PRKAR1B: variants seen among roughly 807,000 people sequenced by gnomAD.
PRKAR1B encodes protein kinase cAMP-dependent type I regulatory subunit beta.
In PRKAR1B, 22 loss-of-function variants were observed where a neutral mutation model predicts 46.5. The ratio of observed to expected loss-of-function variants is 0.47; its 90% CI spans 0.34 to 0.68. The LOEUF is 0.68. PRKAR1B is among the 30% of genes least tolerant of loss of function. The pLI is 0.01. For missense variants in PRKAR1B, 445 were observed against 535.6 expected, an observed-to-expected ratio of 0.83 and a Z score of 1.67; for synonymous variants, 259 against 217.7, an observed-to-expected ratio of 1.19 and a Z score of -1.67.
At chr7:570,784 C>T (rs576669816) in intron 9 of PRKAR1B, among the ~76,000 whole-genome samples, 37 of 152,270 alleles carry the variant, frequency 2.4e-4, no homozygotes, top group African/African-American at 7.7e-4. Context: ...TCACCCTGCC[C>T]GCTCTCCCAC....
At position 575,917 on chromosome 7, in the gene PRKAR1B, T is replaced by G. The variant is rs561078589; in HGVS notation, c.891+3339A>C. On this transcript the variant is annotated intron_variant, in intron 9 of 10. Transcript: ENST00000537384. ...CCAGATTTCAGCTGTCGGTTTGCAA[T>G]CCTCTCCTCTGCTCACGGGCGAACA... is the stretch of plus-strand genomic sequence containing the variant. Among the ~76,000 whole-genome samples the G allele has an allele frequency of 1.0e-3, 159 of 152,292 alleles. 3 individuals carry two copies. The South Asian group carries it at 0.02, about 19-fold the overall frequency.
intron 6 of PRKAR1B, among the ~76,000 whole-genome samples, chr7:598,270 C>T (rs1220886782): frequency 6.8e-6 from 1 of 146,410 alleles, no homozygotes; most frequent in Non-Finnish European, 1.5e-5. Context: ...CAGCACCCTC[C>T]ACACTAAACA....
intron 3 of PRKAR1B, among the ~76,000 whole-genome samples, chr7:678,742 C>G (rs1205024745): frequency 6.6e-6 from 1 of 152,226 alleles, no homozygotes; most frequent in South Asian, 2.1e-4. Context: ...CTTTGAGAGA[C>G]AGCAATGAAA....
chr7:691,928 A>G (rs1461913967), intron 2 of PRKAR1B: 1 of 919,910 alleles, frequency 1.1e-6, no homozygotes, highest in Non-Finnish European at 1.4e-6. Context: ...CCTTGCTCAC[A>G]TCCATCCCCA....
At chr7:712,932 C>A (rs187882170) in intron 1 of PRKAR1B, 43 of 152,702 alleles carry the variant, frequency 2.8e-4, no homozygotes, top group African/African-American at 1.0e-3. Flanking sequence ...TCTGCCTTAG[C>A]GGCCAGAGAG....
At chr7:570,536 C>T (rs1779440805) in intron 9 of PRKAR1B, among the ~76,000 whole-genome samples, 1 of 152,116 alleles carries the variant, frequency 6.6e-6, no homozygotes, top group African/African-American at 2.4e-5. Context: ...GCCTGCCCAG[C>T]AGTCCCCGAG....
chr7:689,980 C>T (rs570933502), intron 2 of PRKAR1B, among the ~76,000 whole-genome samples: 20 of 151,328 alleles, frequency 1.3e-4, no homozygotes, highest in African/African-American at 4.6e-4. Context: ...CGCGCCTGGC[C>T]GAGAACACAG....
At chr7:722,025 C>T (rs549867423) in intron 1 of PRKAR1B, among the ~76,000 whole-genome samples, 78 of 151,324 alleles carry the variant, frequency 5.2e-4, no homozygotes, top group Non-Finnish European at 9.7e-4. Flanking sequence ...GAGGGCTTGT[C>T]CTATGAAGCC....
intron 9 of PRKAR1B, among the ~76,000 whole-genome samples, chr7:562,559 C>T (rs1778868347): frequency 6.6e-6 from 1 of 152,206 alleles, no homozygotes; most frequent in Non-Finnish European, 1.5e-5. Flanking sequence ...CTCCACCAGG[C>T]CTGCACTCAT....
At chr7:634,330 A>C (rs1783922634) in intron 4 of PRKAR1B, among the ~76,000 whole-genome samples, 1 of 152,084 alleles carries the variant, frequency 6.6e-6, no homozygotes, top group African/African-American at 2.4e-5. Flanking sequence ...CCCAAAAAAA[A>C]ACATTTTTCA....
At chr7:663,663 G>C (rs987866487) in intron 4 of PRKAR1B, among the ~76,000 whole-genome samples, 1 of 152,224 alleles carries the variant, frequency 6.6e-6, no homozygotes, top group South Asian at 2.1e-4. Context: ...GCATGTGGTG[G>C]TCTGGGCAGC....
Position 661,522 on chromosome 7 carries a change from C to T in PRKAR1B, c.440+15707G>A, listed in dbSNP as rs1785563922. Among the ~76,000 whole-genome samples the T allele has an allele frequency of 2.3e-5, 2 of 86,912 alleles. 1 individual carries two copies. Among genetic ancestry groups the T allele is most frequent in the African/African-American group, 9.8e-5 (2 of 20,326 alleles). 57.0% of individuals were successfully genotyped at this position (86,912 alleles called of 152,430 possible). ...CTCTTCCCCTCCATGGCACAGGTCC[C>T]CACCCCAACAGATCCAAATACCTAC... On this transcript the variant is annotated intron_variant, in intron 4 of 10. Transcript: ENST00000537384.
intron 4 of PRKAR1B, among the ~76,000 whole-genome samples, chr7:624,101 G>A (rs929758024): frequency 1.3e-5 from 2 of 152,168 alleles, no homozygotes; most frequent in African/African-American, 4.8e-5. Flanking sequence ...ACCAGCACCC[G>A]CAGGTTTAGG....
intron 4 of PRKAR1B, among the ~76,000 whole-genome samples, chr7:618,612 C>T (rs1782956333): frequency 1.3e-5 from 2 of 152,194 alleles, no homozygotes; most frequent in Non-Finnish European, 2.9e-5. Context: ...GTTGGGGCTG[C>T]GGCTTTGAAC....
intron 6 of PRKAR1B, 114 bp from the exon 7 acceptor site, chr7:596,418 G>A (rs568734084): frequency 7.7e-7 from 1 of 1,307,030 alleles, no homozygotes; most frequent in African/African-American, 1.5e-5. Context: ...CGCAGGGCGG[G>A]GCACAAGCCC....
chr7:689,710 C>T (rs935746083), intron 2 of PRKAR1B, among the ~76,000 whole-genome samples: 5 of 151,546 alleles, frequency 3.3e-5, no homozygotes, highest in Admixed American at 6.6e-5. Flanking sequence ...GACAGAGTAT[C>T]GTTCTGTTGC....
chr7:592,723 G>A (rs898845635), intron 7 of PRKAR1B, among the ~76,000 whole-genome samples: 2 of 152,180 alleles, frequency 1.3e-5, no homozygotes, highest in East Asian at 3.9e-4. Flanking sequence ...GGACTCCAAA[G>A]CTTACAAGAA....
At chr7:707,112 T>C (rs771116370) in intron 2 of PRKAR1B, among the ~76,000 whole-genome samples, 25 of 152,254 alleles carry the variant, frequency 1.6e-4, no homozygotes, top group Non-Finnish European at 3.5e-4. Flanking sequence ...AGGGCCCTGT[T>C]AGCTGGTTTA....
intron 6 of PRKAR1B, among the ~76,000 whole-genome samples, chr7:601,954 G>A (rs1029461401): frequency 6.6e-6 from 1 of 151,996 alleles, no homozygotes; most frequent in Non-Finnish European, 1.5e-5. Context: ...GGAGGGGGAA[G>A]GGGAGGGATT....
Sources: allele counts gnomAD v4.1 joint callset (sites outside exome capture counted in the v4.1 genomes callset), GRCh38; gene constraint gnomAD v4.1.1; transcripts MANE v1.5; gene names NCBI Gene and HGNC (gene_info 2026-07-23, HGNC 2026-07-21).